The following GRM7 variants were observed in gnomAD, a reference collection of about 807,000 sequenced individuals.
GRM7 encodes metabotropic glutamate receptor 7.
A neutral mutation model predicts 84.5 loss-of-function variants in GRM7; 35 were observed. The ratio of observed to expected loss-of-function variants is 0.41; its 90% CI spans 0.32 to 0.55. The LOEUF is 0.55. Among genes scored for constraint, GRM7 ranks in the 20% least tolerant of loss-of-function variants. The probability of loss-of-function intolerance (pLI) is 0.19; values close to 1 mark genes in which losing one functional copy is unlikely to be tolerated. For missense variants in GRM7, 1,003 were observed against 1,194.6 expected, an observed-to-expected ratio of 0.84 and a Z score of 2.36; for synonymous variants, 487 against 455.1, an observed-to-expected ratio of 1.07 and a Z score of -0.89.
chr3:7,173,079 G>A (rs981699570), intron 2 of GRM7, among the ~76,000 whole-genome samples: 2 of 152,086 alleles, frequency 1.3e-5, no homozygotes, highest in African/African-American at 2.4e-5. Flanking sequence ...AGAAAAGGAC[G>A]CCGAGGTACA....
intron 7 of GRM7, among the ~76,000 whole-genome samples, chr3:7,538,385 T>C (rs550704757): frequency 6.6e-6 from 1 of 152,210 alleles, no homozygotes; most frequent in Admixed American, 6.5e-5. Context: ...GTGCTGGGAT[T>C]ACGGGCATGA....
chr3:7,597,664 T>C (rs952383956), intron 8 of GRM7, among the ~76,000 whole-genome samples: 1 of 152,158 alleles, frequency 6.6e-6, no homozygotes, highest in African/African-American at 2.4e-5. Context: ...CAGAGTCCCT[T>C]TGTTTCTTGG....
At chr3:7,056,994 A>G (rs1398650334) in intron 1 of GRM7, among the ~76,000 whole-genome samples, 1 of 151,962 alleles carries the variant, frequency 6.6e-6, no homozygotes, top group African/African-American at 2.4e-5. Flanking sequence ...CAGTACAACT[A>G]AACATACTAA....
chr3:7,432,605 A>G (rs766530895), intron 5 of GRM7, among the ~76,000 whole-genome samples: 4 of 151,920 alleles, frequency 2.6e-5, no homozygotes, highest in South Asian at 2.1e-4. Context: ...TACAGATGTG[A>G]GCCACCATGC....
chr3:7,092,420 G>A (rs1369475538), intron 1 of GRM7, among the ~76,000 whole-genome samples: 2 of 151,914 alleles, frequency 1.3e-5, no homozygotes, highest in African/African-American at 2.4e-5. Flanking sequence ...AATGAGTCTC[G>A]GGCAATTGAC....
At chr3:7,542,510 CATTCTT>C (rs1312797849) in intron 7 of GRM7, among the ~76,000 whole-genome samples, 3 of 151,170 alleles carry the variant, frequency 2.0e-5, no homozygotes, top group Admixed American at 1.3e-4. Flanking sequence ...TCTACTTTTT[CATTCTT>C]TTTCTTTTTA....
chr3:7,082,430 C>T (rs1039077736), intron 1 of GRM7, among the ~76,000 whole-genome samples: 14 of 152,102 alleles, frequency 9.2e-5, no homozygotes, highest in African/African-American at 2.9e-4. Context: ...ACTTTCAAGA[C>T]ATTATCGCTG....
chr3:7,466,756 A>C (rs1698475015), intron 7 of GRM7, among the ~76,000 whole-genome samples: 3 of 152,206 alleles, frequency 2.0e-5, no homozygotes, highest in Admixed American at 2.0e-4. Flanking sequence ...TGGATAACTG[A>C]AGTTCTACAA....
intron 2 of GRM7, among the ~76,000 whole-genome samples, chr3:7,149,954 A>C (rs940990966): frequency 9.9e-5 from 15 of 152,156 alleles, no homozygotes; most frequent in African/African-American, 1.9e-4. Context: ...GTTATTTTTT[A>C]AGCTGTTTCT....
chr3:6,956,963 C>T (rs1693078326), intron 1 of GRM7, among the ~76,000 whole-genome samples: 1 of 152,162 alleles, frequency 6.6e-6, no homozygotes, highest in Non-Finnish European at 1.5e-5. Context: ...CTGAGAAGAA[C>T]ATCGAGTTTA....
chr3:6,889,561 C>A (rs1279801534), intron 1 of GRM7, among the ~76,000 whole-genome samples: 1 of 152,144 alleles, frequency 6.6e-6, no homozygotes, highest in African/African-American at 2.4e-5. Flanking sequence ...TTGAACCAGC[C>A]TTGCATCCCA....
chr3:6,952,347 GT>G (rs59314404), intron 1 of GRM7, among the ~76,000 whole-genome samples: 11,004 of 152,170 alleles, frequency 0.072, 541 homozygotes, highest in Non-Finnish European at 0.11. Context: ...TCTAAACCTT[GT>G]TTTTTCTGAT....
intron 1 of GRM7, among the ~76,000 whole-genome samples, chr3:7,029,452 G>A (rs1350387385): frequency 6.6e-6 from 1 of 152,110 alleles, no homozygotes; most frequent in East Asian, 1.9e-4. Flanking sequence ...AATAGTCAAA[G>A]GATGAAAACA....
At position 7,495,026 on chromosome 3, in the gene GRM7, TTTTA is replaced by T. The variant is rs535755396; in HGVS notation, c.1515+33311_1515+33314del. Among the ~76,000 whole-genome samples, 265 of 152,336 alleles carry T rather than the reference TTTTA, an allele frequency of 1.7e-3. 3 individuals are homozygous for T. The Middle Eastern group carries it at 0.02, about 12-fold the overall frequency. On this transcript the variant is annotated intron_variant, in intron 7 of 9. Transcript: ENST00000357716. Reference sequence around the variant, plus strand: ...GTGATTTTCACTTGCATCCTTGAAATTTTATTTATTGTGTTAGGAGGCATTGTGT... The same window carrying T: ...GTGATTTTCACTTGCATCCTTGAAATTTTATTGTGTTAGGAGGCATTGTGT...
intron 9 of GRM7, among the ~76,000 whole-genome samples, chr3:7,707,930 A>ATT (rs34344224): frequency 0.034 from 4,228 of 123,596 alleles, 160 homozygotes; most frequent in African/African-American, 0.091. Context: ...GAAGCTTTCA[A>ATT]TTTTTTTTTT....
At chr3:7,559,799 G>T (rs999145450) in intron 7 of GRM7, among the ~76,000 whole-genome samples, 9 of 152,072 alleles carry the variant, frequency 5.9e-5, no homozygotes, top group African/African-American at 2.2e-4. Context: ...TTTTCTCCCA[G>T]TTCTGAAGGT....
chr3:6,966,289 T>C (rs1193190107), intron 1 of GRM7, among the ~76,000 whole-genome samples: 2 of 152,218 alleles, frequency 1.3e-5, no homozygotes, highest in African/African-American at 4.8e-5. Flanking sequence ...GACAATGTAA[T>C]ACTCCTTCAC....
At position 6,941,687 on chromosome 3, in the gene GRM7, A is replaced by G. The variant is rs190426587; in HGVS notation, c.519+79780A>G. On this transcript the variant is annotated intron_variant, in intron 1 of 9. Coordinates refer to ENST00000357716, the MANE Select transcript of GRM7 (RefSeq NM_000844.4). ...CGAGTGGTCTTGATGTAGAAATAAT[A>G]GTTTTATTCTTTGTATATTTCAGTC... 1.9e-3 allele frequency among the ~76,000 whole-genome samples: 283 copies of G among 152,328 alleles called. 1 individual carries two copies. Among genetic ancestry groups the G allele is most frequent in the Non-Finnish European group, 2.5e-3 (167 of 68,014 alleles).
At chr3:7,532,536 A>T (rs1225027378) in intron 7 of GRM7, among the ~76,000 whole-genome samples, 1 of 151,774 alleles carries the variant, frequency 6.6e-6, no homozygotes, top group Non-Finnish European at 1.5e-5. Context: ...TCTGGCTAGC[A>T]GTCTATCAAT....
Sources: allele counts gnomAD v4.1 joint callset (sites outside exome capture counted in the v4.1 genomes callset), GRCh38; gene constraint gnomAD v4.1.1; transcripts MANE v1.5; gene names NCBI Gene and HGNC (gene_info 2026-07-23, HGNC 2026-07-21).